The following KIAA1328 variants were observed in gnomAD, a reference collection of about 807,000 sequenced individuals.
KIAA1328 encodes protein hinderin.
A neutral mutation model predicts 68.1 loss-of-function variants in KIAA1328; 52 were observed. The ratio of observed to expected loss-of-function variants is 0.76; its 90% CI spans 0.61 to 0.96. The LOEUF (loss-of-function observed/expected upper bound fraction) is 0.96, where lower values mean the gene tolerates loss of function less well. Among genes scored for constraint, KIAA1328 ranks in the 40% least tolerant of loss-of-function variants. The probability of loss-of-function intolerance (pLI) is 0.00; values close to 1 mark genes in which losing one functional copy is unlikely to be tolerated. For missense variants in KIAA1328, 641 were observed against 677.6 expected, an observed-to-expected ratio of 0.95 and a Z score of 0.60; for synonymous variants, 232 against 239.4, an observed-to-expected ratio of 0.97 and a Z score of 0.28.
rs1373148532 is a variant in KIAA1328, at chr18:36,968,222, A to G, written c.576+8787A>G. On this transcript the variant is annotated intron_variant, in intron 6 of 9. Transcript: ENST00000280020. Reference sequence around the variant, plus strand: ...GCAACCACACAAATAAATCAGCATAATAAACAGCTAACAACATGATGACAG... The same window carrying G: ...GCAACCACACAAATAAATCAGCATAGTAAACAGCTAACAACATGATGACAG... Among the ~76,000 whole-genome samples the G allele has an allele frequency of 1.3e-5, 2 of 152,192 alleles. 1 individual carries two copies. Among genetic ancestry groups the G allele is most frequent in the African/African-American group, 4.8e-5 (2 of 41,448 alleles).
intron 7 of KIAA1328, among the ~76,000 whole-genome samples, chr18:37,120,019 C>G (rs761815018): frequency 4.6e-5 from 7 of 152,084 alleles, no homozygotes; most frequent in Non-Finnish European, 1.0e-4. Context: ...ATATTGACTT[C>G]AGGGGAAACT....
At chr18:36,846,438 G>A (rs897956898) in intron 4 of KIAA1328, among the ~76,000 whole-genome samples, 3 of 151,240 alleles carry the variant, frequency 2.0e-5, no homozygotes, top group Non-Finnish European at 4.4e-5. Flanking sequence ...ATACTGGCTT[G>A]CTTATCAATC....
At chr18:36,841,034 C>A (rs1048769050) in intron 3 of KIAA1328, among the ~76,000 whole-genome samples, 3 of 152,040 alleles carry the variant, frequency 2.0e-5, no homozygotes, top group Non-Finnish European at 2.9e-5. Context: ...GATTGCCATG[C>A]AATCTGAGAT....
intron 9 of KIAA1328, among the ~76,000 whole-genome samples, chr18:37,187,728 C>G (rs1241292743): frequency 6.6e-6 from 1 of 152,044 alleles, no homozygotes; most frequent in Non-Finnish European, 1.5e-5. Context: ...CACTTGGGCT[C>G]TGAGCAACCC....
intron 4 of KIAA1328, among the ~76,000 whole-genome samples, chr18:36,874,403 T>G (rs537394947): frequency 6.6e-6 from 1 of 152,362 alleles, no homozygotes; most frequent in South Asian, 2.1e-4. Context: ...GGTATCTCAT[T>G]GTGGTTTTGA....
At chr18:37,070,812 A>C (rs1289589497) in intron 7 of KIAA1328, among the ~76,000 whole-genome samples, 2 of 151,998 alleles carry the variant, frequency 1.3e-5, no homozygotes, top group African/African-American at 4.8e-5. Flanking sequence ...TGCTAACCTC[A>C]GGTGATCCAC....
chr18:37,068,290 A>G (rs1034372906), intron 7 of KIAA1328, among the ~76,000 whole-genome samples: 6 of 152,306 alleles, frequency 3.9e-5, no homozygotes, highest in African/African-American at 1.4e-4. Flanking sequence ...AAAATATAAC[A>G]AGTGATGGGA....
intron 5 of KIAA1328, among the ~76,000 whole-genome samples, chr18:36,934,217 G>A (rs540825066): frequency 2.6e-5 from 4 of 152,062 alleles, no homozygotes; most frequent in African/African-American, 9.6e-5. Context: ...CCTCACTCTT[G>A]GTATCTGTGT....
At chr18:37,116,432 T>A (rs939247638) in intron 7 of KIAA1328, among the ~76,000 whole-genome samples, 1 of 152,104 alleles carries the variant, frequency 6.6e-6, no homozygotes, top group African/African-American at 2.4e-5. Flanking sequence ...ATTTAATAAA[T>A]GGTGCTGGGA....
intron 4 of KIAA1328, among the ~76,000 whole-genome samples, chr18:36,884,875 CTG>C (rs1284983756): frequency 1.3e-5 from 2 of 152,148 alleles, no homozygotes; most frequent in African/African-American, 4.8e-5. Flanking sequence ...TTTTTTCTCT[CTG>C]TGCTCTTGTC....
intron 6 of KIAA1328, among the ~76,000 whole-genome samples, chr18:36,959,986 C>G (rs143506184): frequency 2.0e-5 from 3 of 152,276 alleles, no homozygotes; most frequent in Non-Finnish European, 4.4e-5. Context: ...ATGCTCAGAA[C>G]CCTGCCAGAT....
intron 5 of KIAA1328, among the ~76,000 whole-genome samples, chr18:36,911,012 A>G (rs1310360566): frequency 6.6e-6 from 1 of 151,976 alleles, no homozygotes; most frequent in South Asian, 2.1e-4. Flanking sequence ...CCTCCTTTCA[A>G]TCACTACTAC....
chr18:37,139,928 T>TC (rs1262724640), intron 7 of KIAA1328, among the ~76,000 whole-genome samples: 1 of 152,204 alleles, frequency 6.6e-6, no homozygotes, highest in African/African-American at 2.4e-5. Context: ...AGCCATTTAG[T>TC]CAAACTGTGT....
intron 7 of KIAA1328, among the ~76,000 whole-genome samples, chr18:37,154,198 A>G (rs1203887771): frequency 2.6e-5 from 4 of 152,202 alleles, no homozygotes; most frequent in African/African-American, 9.6e-5. Context: ...AGCAAATAAT[A>G]TCCAGGTCCC....
intron 7 of KIAA1328, among the ~76,000 whole-genome samples, chr18:37,109,357 GA>G (rs1171939932): frequency 6.6e-6 from 1 of 152,158 alleles, no homozygotes; most frequent in Admixed American, 6.5e-5. Flanking sequence ...ACTTAAAGGG[GA>G]AAATAAAACA....
chr18:37,070,379 T>A (rs1447588558), intron 7 of KIAA1328, among the ~76,000 whole-genome samples: 1 of 152,200 alleles, frequency 6.6e-6, no homozygotes, highest in Non-Finnish European at 1.5e-5. Context: ...TTCTACCTAC[T>A]TCTATCAATT....
intron 9 of KIAA1328, among the ~76,000 whole-genome samples, chr18:37,175,517 C>G (rs1004736421): frequency 6.6e-6 from 1 of 151,882 alleles, no homozygotes; most frequent in Non-Finnish European, 1.5e-5. Context: ...CTTAATAAAA[C>G]AACATGTAGC....
At chr18:37,164,439 G>A (rs1231664874) in intron 8 of KIAA1328, among the ~76,000 whole-genome samples, 1 of 152,154 alleles carries the variant, frequency 6.6e-6, no homozygotes, top group Non-Finnish European at 1.5e-5. Flanking sequence ...GAAATCAGTA[G>A]AGTGGGCTCT....
chr18:37,034,580 C>T (rs1400213139), intron 6 of KIAA1328, among the ~76,000 whole-genome samples: 2 of 152,106 alleles, frequency 1.3e-5, no homozygotes, highest in African/African-American at 4.8e-5. Flanking sequence ...ACAGTTAACT[C>T]TTAATACAAA....
Sources: allele counts gnomAD v4.1 joint callset (sites outside exome capture counted in the v4.1 genomes callset), GRCh38; gene constraint gnomAD v4.1.1; transcripts MANE v1.5; gene names NCBI Gene and HGNC (gene_info 2026-07-23, HGNC 2026-07-21).